The following CPVL variants were observed in gnomAD, a reference collection of about 807,000 sequenced individuals.
CPVL encodes the protein carboxypeptidase vitellogenic like.
In CPVL, 51 loss-of-function variants were observed where a neutral mutation model predicts 63.7. That is an observed-to-expected ratio of 0.80 (90% CI 0.64 to 1.01). The LOEUF (loss-of-function observed/expected upper bound fraction) is 1.01. CPVL is among the 50% of genes least tolerant of loss of function. CPVL has a pLI of 0.00. For missense variants in CPVL, 530 were observed against 573.1 expected, an observed-to-expected ratio of 0.92 and a Z score of 0.77; for synonymous variants, 195 against 206.0, an observed-to-expected ratio of 0.95 and a Z score of 0.46.
intron 12 of CPVL, among the ~76,000 whole-genome samples, chr7:29,002,484 TTTC>T (rs1784740873): frequency 6.6e-6 from 1 of 152,130 alleles, no homozygotes; most frequent in Admixed American, 6.6e-5. Context: ...TTTTGTACAT[TTTC>T]TTCAACATTT....
At chr7:29,024,471 A>G (rs1225515439) in intron 12 of CPVL, among the ~76,000 whole-genome samples, 1 of 152,212 alleles carries the variant, frequency 6.6e-6, no homozygotes, top group Non-Finnish European at 1.5e-5. Context: ...TGCAAGAGAT[A>G]TAGGCATCTA....
chr7:29,076,658 G>A (rs1395730944), intron 7 of CPVL, among the ~76,000 whole-genome samples: 4 of 152,112 alleles, frequency 2.6e-5, no homozygotes, highest in Non-Finnish European at 5.9e-5. Flanking sequence ...GCTCTTACTT[G>A]GTTAATTTTT....
chr7:29,006,415 A>T (rs1463942610), intron 12 of CPVL, among the ~76,000 whole-genome samples: 1 of 152,190 alleles, frequency 6.6e-6, no homozygotes, highest in African/African-American at 2.4e-5. Context: ...TTGGCTCTGG[A>T]AATCAGATGA....
intron 12 of CPVL, among the ~76,000 whole-genome samples, chr7:29,021,113 G>C (rs1392813350): frequency 1.3e-5 from 2 of 151,990 alleles, no homozygotes; most frequent in African/African-American, 2.4e-5. Context: ...GGCGGAGGTT[G>C]TAGTGAGCCA....
chr7:29,016,897 T>C (rs1562724539), intron 12 of CPVL, among the ~76,000 whole-genome samples: 1 of 152,234 alleles, frequency 6.6e-6, no homozygotes, highest in Non-Finnish European at 1.5e-5. Context: ...ACGTATTAAA[T>C]AGATGGAGAA....
intron 11 of CPVL, among the ~76,000 whole-genome samples, chr7:29,043,053 C>T (rs913596499): frequency 9.2e-5 from 14 of 152,100 alleles, no homozygotes; most frequent in African/African-American, 3.4e-4. Flanking sequence ...GGACTGAGAG[C>T]GACAGTAGTA....
chr7:29,008,691 TA>T (rs761685304), intron 12 of CPVL, among the ~76,000 whole-genome samples: 3 of 152,158 alleles, frequency 2.0e-5, no homozygotes, highest in Non-Finnish European at 2.9e-5. Flanking sequence ...AGGAAATGAA[TA>T]AAATCAGGCC....
At chr7:29,139,862 A>C (rs986950547) in intron 1 of CPVL, among the ~76,000 whole-genome samples, 2 of 152,136 alleles carry the variant, frequency 1.3e-5, no homozygotes, top group African/African-American at 4.8e-5. Context: ...AATTATTTCC[A>C]CTTGACTTGC....
intron 9 of CPVL, 40 bp downstream of exon 9, chr7:29,071,733 T>C (rs778192381): frequency 8.8e-7 from 1 of 1,134,204 alleles, no homozygotes; most frequent in Non-Finnish European, 1.2e-6. Flanking sequence ...CCCAGATGGT[T>C]TTAATTGCTC....
At chr7:29,015,472 G>A (rs1385565875) in intron 12 of CPVL, among the ~76,000 whole-genome samples, 2 of 152,078 alleles carry the variant, frequency 1.3e-5, no homozygotes, top group Non-Finnish European at 2.9e-5. Flanking sequence ...GAGTTCTCAC[G>A]AGATCTTGTC....
intron 12 of CPVL, among the ~76,000 whole-genome samples, chr7:29,016,049 T>C (rs1260723458): frequency 6.6e-6 from 1 of 152,106 alleles, no homozygotes; most frequent in Non-Finnish European, 1.5e-5. Context: ...CCCTATGAAG[T>C]AACTGTTCTC....
chr7:29,071,709 ACC>A, intron 9 of CPVL, 62 bp downstream of exon 9: 2 of 472,930 alleles, frequency 4.2e-6, no homozygotes, highest in Non-Finnish European at 8.4e-6. Context: ...GTTCCTGCTC[ACC>A]CGCCCTCCCT....
intron 4 of CPVL, 108 bp downstream of exon 4, chr7:29,095,995 C>T (rs150063705): frequency 5.1e-5 from 45 of 881,318 alleles, no homozygotes; most frequent in African/African-American, 6.6e-5. Context: ...TAATCTGGAA[C>T]GGTTAAGCTA....
At chr7:29,160,837 A>C (rs1240730567) in intron 5 of CPVL, among the ~76,000 whole-genome samples, 3 of 152,212 alleles carry the variant, frequency 2.0e-5, no homozygotes, top group African/African-American at 7.2e-5. Context: ...TCACATTCAA[A>C]TGATAATATC....
At chr7:29,195,019 C>T (rs1451509211) in intron 1 of CPVL, 1 of 1,580,210 alleles carries the variant, frequency 6.3e-7, no homozygotes, top group Middle Eastern at 1.7e-4. Context: ...GGCGCTGCTG[C>T]CGCGCCGGGT....
intron 1 of CPVL, 85 bp from the exon 2 acceptor site, chr7:29,121,156 A>T (rs1386494359): frequency 2.3e-6 from 3 of 1,309,268 alleles, no homozygotes; most frequent in African/African-American, 3.0e-5. Context: ...TCATTTATTC[A>T]CTTAAAAAAA....
At chr7:29,074,384 TGTTA>T (rs1451545836) in intron 7 of CPVL, among the ~76,000 whole-genome samples, 3 of 152,326 alleles carry the variant, frequency 2.0e-5, no homozygotes, top group South Asian at 2.1e-4. Flanking sequence ...TACATTCTCT[TGTTA>T]GTGACAATAA....
intron 12 of CPVL, among the ~76,000 whole-genome samples, chr7:28,999,455 T>C (rs1784394853): frequency 6.6e-6 from 1 of 152,252 alleles, no homozygotes; most frequent in Admixed American, 6.5e-5. Context: ...GGGAATTCTC[T>C]GTTTACATCA....
At chr7:29,112,959 A>C (rs1221633171) in intron 2 of CPVL, 137 bp from the exon 3 acceptor site, 3 of 608,120 alleles carry the variant, frequency 4.9e-6, no homozygotes, top group Non-Finnish European at 8.8e-6. Flanking sequence ...TAGTTCCTTC[A>C]GCAAATTCCA....
Sources: gnomAD v4.1 joint callset for allele counts (sites outside exome capture counted in the v4.1 genomes callset) on GRCh38, gnomAD v4.1.1 for gene constraint, MANE v1.5 for transcripts, NCBI Gene and HGNC (gene_info 2026-07-23, HGNC 2026-07-21) for gene names.